HTR4: variants seen among roughly 807,000 people sequenced by gnomAD.
HTR4 encodes the protein 5-hydroxytryptamine receptor 4, also known as 5-hydroxytryptamine (serotonin) receptor 4, G protein-coupled.
In HTR4, 16 loss-of-function variants were observed where a neutral mutation model predicts 36.8. That is an observed-to-expected ratio of 0.43 (90% CI 0.29 to 0.66). The LOEUF (loss-of-function observed/expected upper bound fraction) is 0.66, where lower values mean the gene tolerates loss of function less well. HTR4 is among the 30% of genes least tolerant of loss of function. The pLI is 0.13. For synonymous variants in HTR4, 189 were observed against 185.1 expected (o/e 1.02, Z -0.17); for missense variants, 438 against 490.9 (o/e 0.89, Z 1.02).
intron 2 of HTR4, among the ~76,000 whole-genome samples, chr5:148,619,019 G>T (rs1165333857): frequency 6.6e-6 from 1 of 152,050 alleles, no homozygotes; most frequent in Non-Finnish European, 1.5e-5. Context: ...TCTCTAGGAG[G>T]ATTGAAAAGA....
chr5:148,501,299 A>G (rs1756923566), intron 6 of HTR4, among the ~76,000 whole-genome samples: 1 of 152,224 alleles, frequency 6.6e-6, no homozygotes, highest in Non-Finnish European at 1.5e-5. Context: ...AGAAAAAGTT[A>G]TATTTCTATG....
chr5:148,587,462 G>C (rs1366655836), intron 2 of HTR4, among the ~76,000 whole-genome samples: 1 of 152,214 alleles, frequency 6.6e-6, no homozygotes, highest in East Asian at 1.9e-4. Flanking sequence ...AGGGTTGGGG[G>C]GGTGGTGAAA....
At chr5:148,503,345 C>T (rs1224179481) in intron 6 of HTR4, among the ~76,000 whole-genome samples, 1 of 152,146 alleles carries the variant, frequency 6.6e-6, no homozygotes, top group Non-Finnish European at 1.5e-5. Context: ...ATTCAACATT[C>T]TTAGAGAAAA....
chr5:148,595,756 CA>C (rs1761742211), intron 2 of HTR4, among the ~76,000 whole-genome samples: 1 of 151,622 alleles, frequency 6.6e-6, no homozygotes, highest in South Asian at 2.1e-4. Context: ...TCTTGTCCTC[CA>C]AAAAAGTATT....
chr5:148,554,760 A>C (rs1759858253), intron 2 of HTR4, among the ~76,000 whole-genome samples: 1 of 152,088 alleles, frequency 6.6e-6, no homozygotes, highest in Non-Finnish European at 1.5e-5. Flanking sequence ...TATAATAAGC[A>C]TTGTTTGATA....
chr5:148,482,007 A>C lies in HTR4; in HGVS notation c.*1196T>G, dbSNP rs1027710114. The C allele has an allele frequency of 4.0e-6, 4 of 1,000,092 alleles. No individual in the cohort carries two copies. In the African/African-American group the frequency reaches 6.9e-5, roughly 17 times the overall value. 62.0% of individuals were successfully genotyped at this position (1,000,092 alleles called of 1,614,324 possible). ...GTCTTAGAAACAGAAAGAAAACTTAAAGGTCCTCTAGTCCAAGCTTGAGTG... is the reference window on the plus strand; with the variant it reads ...GTCTTAGAAACAGAAAGAAAACTTACAGGTCCTCTAGTCCAAGCTTGAGTG... On this transcript the variant is annotated 3_prime_UTR_variant, in exon 7 of 7. Transcript: ENST00000377888.
chr5:148,542,638 CT>C (rs200117617), intron 4 of HTR4, among the ~76,000 whole-genome samples: 1 of 151,494 alleles, frequency 6.6e-6, no homozygotes, highest in African/African-American at 2.4e-5. Context: ...GTGAAATTGA[CT>C]TTTTTTTTAA....
At chr5:148,526,198 G>T (rs1476928638) in intron 4 of HTR4, among the ~76,000 whole-genome samples, 1 of 152,198 alleles carries the variant, frequency 6.6e-6, no homozygotes, top group Admixed American at 6.5e-5. Context: ...GACAGCTTTA[G>T]CAAACTAATA....
chr5:148,497,063 C>T (rs1328476101), intron 6 of HTR4, among the ~76,000 whole-genome samples: 1 of 152,162 alleles, frequency 6.6e-6, no homozygotes, highest in Admixed American at 6.5e-5. Context: ...GAACCTTTAG[C>T]AATTTATCTG....
chr5:148,528,782 T>G (rs12152801), intron 4 of HTR4, among the ~76,000 whole-genome samples: 38,456 of 151,774 alleles, frequency 0.25, 5,705 homozygotes, highest in Non-Finnish European at 0.34. Context: ...ACACCACCAC[T>G]AGACAGAATT....
chr5:148,637,865 T>C (rs1320997272), intron 1 of HTR4, among the ~76,000 whole-genome samples: 1 of 152,160 alleles, frequency 6.6e-6, no homozygotes, highest in Non-Finnish European at 1.5e-5. Flanking sequence ...AGGGTCCGGC[T>C]GTCTCTTCTA....
In HTR4 at chr5:148,633,929, T is replaced by A. The variant is rs567833170; in HGVS notation, c.26+3060A>T. ...TTGTACACTGTAACTACTCCCAAATTACCTTTGATTATGTTAGCCAGAGTT... is the reference window on the plus strand; with the variant it reads ...TTGTACACTGTAACTACTCCCAAATAACCTTTGATTATGTTAGCCAGAGTT... On this transcript the variant is annotated intron_variant, in intron 2 of 6. Transcript: ENST00000377888. Among the ~76,000 whole-genome samples the A allele has an allele frequency of 4.6e-5, 7 of 152,232 alleles. No homozygotes were observed. In the South Asian group the frequency reaches 6.2e-4, roughly 14 times the overall value.
intron 2 of HTR4, among the ~76,000 whole-genome samples, chr5:148,627,123 C>G (rs972309633): frequency 2.6e-5 from 4 of 152,136 alleles, no homozygotes; most frequent in Middle Eastern, 3.2e-3. Context: ...TATCCTGCCT[C>G]CCCTGGACTA....
At chr5:148,652,379 T>G (rs7704629) in intron 1 of HTR4, among the ~76,000 whole-genome samples, 1 of 152,002 alleles carries the variant, frequency 6.6e-6, no homozygotes, top group Admixed American at 6.6e-5. Flanking sequence ...CAATAACAGG[T>G]GGAAAAATCA....
chr5:148,500,629 C>G (rs1251424398), intron 6 of HTR4, among the ~76,000 whole-genome samples: 2 of 151,454 alleles, frequency 1.3e-5, no homozygotes, highest in African/African-American at 2.4e-5. Context: ...GATGAATATA[C>G]AGAATATAAC....
chr5:148,535,918 C>T (rs553208759), intron 4 of HTR4, among the ~76,000 whole-genome samples: 2 of 152,022 alleles, frequency 1.3e-5, no homozygotes, highest in Non-Finnish European at 2.9e-5. Context: ...AAGACCATCC[C>T]CAAGACACAT....
At chr5:148,565,643 A>C in intron 2 of HTR4, among the ~76,000 whole-genome samples, 1 of 152,166 alleles carries the variant, frequency 6.6e-6, no homozygotes, top group East Asian at 1.9e-4. Flanking sequence ...TTCCACAACC[A>C]ACATGTATAC....
intron 1 of HTR4, among the ~76,000 whole-genome samples, chr5:148,637,405 T>A (rs1376388662): frequency 1.3e-5 from 2 of 152,064 alleles, no homozygotes; most frequent in East Asian, 1.9e-4. Context: ...TACATTCTTA[T>A]GCTTAAAATA....
At chr5:148,551,032 C>CT (rs80036684) in intron 2 of HTR4, among the ~76,000 whole-genome samples, 33 of 147,220 alleles carry the variant, frequency 2.2e-4, no homozygotes, top group African/African-American at 3.7e-4. Context: ...ACAATGAAGC[C>CT]TTTTTTTTTT....
Sources: allele counts gnomAD v4.1 joint callset (sites outside exome capture counted in the v4.1 genomes callset), GRCh38; gene constraint gnomAD v4.1.1; transcripts MANE v1.5; gene names NCBI Gene and HGNC (gene_info 2026-07-23, HGNC 2026-07-21).